The following CHD7 variants were observed in gnomAD, a reference collection of about 807,000 sequenced individuals.
CHD7 encodes ATP-dependent chromatin remodeler CHD7.
Under a neutral mutation model 307.3 loss-of-function variants are expected in CHD7, and 24 were observed. The observed-to-expected ratio is 0.08, with a 90% CI of 0.06 to 0.11. The LOEUF (loss-of-function observed/expected upper bound fraction) is 0.11. CHD7 is among the 10% of genes least tolerant of loss of function. The pLI, the probability that CHD7 is intolerant of heterozygous loss-of-function variation, is 1.00. For missense variants in CHD7, 3,106 were observed against 3,727.1 expected (o/e 0.83, Z 4.34); for synonymous variants, 1,363 against 1,349.9 (o/e 1.01, Z -0.21).
chr8:60,738,970 G>A (rs1368522819), intron 1 of CHD7, among the ~76,000 whole-genome samples: 22 of 152,286 alleles, frequency 1.4e-4, no homozygotes, highest in African/African-American at 3.8e-4. Flanking sequence ...CTACTCATGC[G>A]CATAGGCAAC....
intron 1 of CHD7, among the ~76,000 whole-genome samples, chr8:60,720,932 C>T (rs2150544372): frequency 6.6e-6 from 1 of 152,290 alleles, no homozygotes. Flanking sequence ...TATGGGAGTC[C>T]CTTAGAGCCC....
At chr8:60,800,774 A>T (rs907054968) in intron 5 of CHD7, among the ~76,000 whole-genome samples, 1 of 152,244 alleles carries the variant, frequency 6.6e-6, no homozygotes. Context: ...TTAATGTTCT[A>T]TGCTGAGGAA....
chr8:60,745,601 A>G (rs1477008735), intron 2 of CHD7, among the ~76,000 whole-genome samples: 1 of 152,128 alleles, frequency 6.6e-6, no homozygotes, highest in Admixed American at 6.5e-5. Context: ...TTCTAAGTAC[A>G]ATTATGTTTT....
chr8:60,785,248 G>A lies in CHD7; in HGVS notation c.2096+3818G>A, dbSNP rs181686891. On this transcript the variant is annotated intron_variant, in intron 3 of 37. Coordinates refer to ENST00000423902, the MANE Select transcript of CHD7 (RefSeq NM_017780.4). ...AAAGAAGGGAACTTGGCCAAAGATT[G>A]TGACTTGACTACTGAAGCTTAAGTT... Among the ~76,000 whole-genome samples the A allele has an allele frequency of 3.3e-5, 5 of 152,334 alleles. No homozygotes were observed. In the East Asian group the frequency reaches 7.7e-4, roughly 23 times the overall value.
In CHD7 at chr8:60,767,008, G is replaced by A. The variant is rs1810503197; in HGVS notation, c.1666-13992G>A. On this transcript the variant is annotated intron_variant, in intron 2 of 37. Coordinates refer to ENST00000423902, the MANE Select transcript of CHD7 (RefSeq NM_017780.4). ...CCCAGAAATTATAGGTCGAGAAGTT[G>A]ACGAGAACCAGGAAGAGCCTGGAAG... Among the ~76,000 whole-genome samples, 4 of 152,240 alleles carry A rather than the reference G, an allele frequency of 2.6e-5. No individual in the cohort carries two copies. In the South Asian group the frequency reaches 8.3e-4, roughly 31 times the overall value.
chr8:60,774,811 G>A (rs1810874580), intron 2 of CHD7, among the ~76,000 whole-genome samples: 1 of 152,168 alleles, frequency 6.6e-6, no homozygotes, highest in South Asian at 2.1e-4. Flanking sequence ...GAGTTTCACT[G>A]CTTATGTTAT....
intron 1 of CHD7, among the ~76,000 whole-genome samples, chr8:60,704,779 G>T (rs1806937482): frequency 6.6e-6 from 1 of 152,134 alleles, no homozygotes; most frequent in Non-Finnish European, 1.5e-5. Context: ...TTGCCTAAAT[G>T]GCTGATATTC....
intron 1 of CHD7, among the ~76,000 whole-genome samples, chr8:60,680,071 A>G (rs1176421324): frequency 1.3e-5 from 2 of 150,630 alleles, no homozygotes; most frequent in Non-Finnish European, 3.0e-5. Flanking sequence ...CATAATAGCG[A>G]CTTTAACCTT....
At chr8:60,695,381 G>A (rs935804901) in intron 1 of CHD7, among the ~76,000 whole-genome samples, 3 of 151,902 alleles carry the variant, frequency 2.0e-5, no homozygotes, top group African/African-American at 7.3e-5. Flanking sequence ...TATAACATTG[G>A]GTACAGTCAG....
At chr8:60,825,825 A>G (rs190721724) in intron 13 of CHD7, among the ~76,000 whole-genome samples, 5 of 151,896 alleles carry the variant, frequency 3.3e-5, no homozygotes, top group Admixed American at 6.6e-5. Flanking sequence ...AAGATCAAAC[A>G]ATCTGATTGT....
rs554518877 is a variant in CHD7, at chr8:60,862,343, G to A, written c.7971+7G>A. 40 of 1,597,672 alleles carry A rather than the reference G, an allele frequency of 2.5e-5. No individual in the cohort carries two copies. Among genetic ancestry groups the A allele is most frequent in the East Asian group, 1.6e-4 (7 of 44,724 alleles). On this transcript the variant is annotated splice_region_variant and intron_variant, in intron 36 of 37. Coordinates refer to ENST00000423902, the MANE Select transcript of CHD7 (RefSeq NM_017780.4). ...TAAACGAAATGGGAAGAAGGTAAAC[G>A]CTGGGAAAGGGAATTGATCACTATG... is the stretch of plus-strand genomic sequence containing the variant.
At chr8:60,714,238 G>A (rs1445379203) in intron 1 of CHD7, among the ~76,000 whole-genome samples, 1 of 151,976 alleles carries the variant, frequency 6.6e-6, no homozygotes, top group East Asian at 1.9e-4. Context: ...TCGCTGGCAC[G>A]CGGAAGGCCC....
At chr8:60,860,204 C>T (rs562668797) in intron 34 of CHD7, among the ~76,000 whole-genome samples, 1 of 152,292 alleles carries the variant, frequency 6.6e-6, no homozygotes, top group African/African-American at 2.4e-5. Flanking sequence ...TATAGACTGG[C>T]TTTTAGAAAT....
intron 1 of CHD7, among the ~76,000 whole-genome samples, chr8:60,721,799 G>C (rs757208965): frequency 7.9e-5 from 12 of 152,202 alleles, no homozygotes; most frequent in Non-Finnish European, 1.8e-4. Context: ...TTGAGGTAGG[G>C]ATAGTGGCTC....
Position 60,830,305 on chromosome 8 carries a change from T to G in CHD7, c.3523-17T>G. 6.2e-7 allele frequency: 1 copy of G among 1,606,770 alleles called. No homozygotes were observed. The highest frequency in any genetic ancestry group is 1.1e-5 in the South Asian group (1 of 89,664). Reference sequence around the variant, plus strand: ...AGCAAATCATGACACTAGTATTTACTTAAGGTCCTTTTTTAGGTGCAAAAA... The same window carrying G: ...AGCAAATCATGACACTAGTATTTACGTAAGGTCCTTTTTTAGGTGCAAAAA... On this transcript the variant is annotated splice_polypyrimidine_tract_variant and intron_variant, in intron 14 of 37. Transcript: ENST00000423902.
chr8:60,695,778 TA>T (rs1284777613), intron 1 of CHD7, among the ~76,000 whole-genome samples: 1 of 152,200 alleles, frequency 6.6e-6, no homozygotes, highest in African/African-American at 2.4e-5. Context: ...CAAATTAAAT[TA>T]AAATGATATA....
chr8:60,809,151 T>C (rs1311803348), intron 7 of CHD7, among the ~76,000 whole-genome samples: 1 of 152,210 alleles, frequency 6.6e-6, no homozygotes, highest in Non-Finnish European at 1.5e-5. Context: ...CATTCTCTCT[T>C]GTTGTAGTTG....
chr8:60,844,724 C>T (rs960307999), intron 21 of CHD7, 140 bp from the exon 22 acceptor site: 3 of 649,664 alleles, frequency 4.6e-6, no homozygotes, highest in Non-Finnish European at 5.1e-6. Flanking sequence ...AACTCTTGCA[C>T]CCTGGATTTC....
intron 1 of CHD7, among the ~76,000 whole-genome samples, chr8:60,690,214 A>G (rs1376780129): frequency 6.6e-6 from 1 of 152,242 alleles, no homozygotes; most frequent in African/African-American, 2.4e-5. Context: ...AAAAAATCCC[A>G]AGTCTTAATA....
Sources: allele counts gnomAD v4.1 joint callset (sites outside exome capture counted in the v4.1 genomes callset), GRCh38; gene constraint gnomAD v4.1.1; transcripts MANE v1.5; gene names NCBI Gene and HGNC (gene_info 2026-07-23, HGNC 2026-07-21).